Variants in ROCK2 observed in about 807,000 individuals in gnomAD.
The protein encoded by ROCK2 is Rho associated coiled-coil containing protein kinase 2, also known as rho-associated protein kinase 2.
A neutral mutation model predicts 195.1 loss-of-function variants in ROCK2; 61 were observed. The observed-to-expected ratio is 0.31, with a 90% CI of 0.25 to 0.39. ROCK2 has a LOEUF of 0.39. ROCK2 is among the 10% of genes least tolerant of loss of function. The probability of loss-of-function intolerance (pLI) is 1.00; values close to 1 mark genes in which losing one functional copy is unlikely to be tolerated. For missense variants in ROCK2, 1,109 were observed against 1,637.4 expected (o/e 0.68, Z 5.57); for synonymous variants, 504 against 545.5 (o/e 0.92, Z 1.06).
At chr2:11,283,985 T>C (rs562366825) in intron 3 of ROCK2, among the ~76,000 whole-genome samples, 22 of 152,358 alleles carry the variant, frequency 1.4e-4, no homozygotes, top group African/African-American at 4.3e-4. Context: ...TTACTCATAA[T>C]TGTCAAAACC....
At chr2:11,292,472 T>C (rs2148202261) in intron 1 of ROCK2, among the ~76,000 whole-genome samples, 1 of 152,322 alleles carries the variant, frequency 6.6e-6, no homozygotes, top group South Asian at 2.1e-4. Flanking sequence ...GAATAGCTTA[T>C]ATGTAACAGA....
Position 11,205,707 on chromosome 2 carries a change from G to C in ROCK2, c.2549+2019C>G, listed in dbSNP as rs183598635. Among the ~76,000 whole-genome samples the C allele has an allele frequency of 4.0e-5, 6 of 151,554 alleles. No homozygotes were observed. In the East Asian group the frequency reaches 1.2e-3, roughly 29 times the overall value. On this transcript the variant is annotated intron_variant, in intron 20 of 32. Coordinates refer to ENST00000315872, the MANE Select transcript of ROCK2 (RefSeq NM_004850.5). ...CTTCTCATGGGTAGGAAATGTATTT[G>C]GTTAATCTTTCTATCTTTCATAGTA...
chr2:11,301,760 A>G (rs1281279931), intron 1 of ROCK2, among the ~76,000 whole-genome samples: 3 of 141,916 alleles, frequency 2.1e-5, no homozygotes, highest in Non-Finnish European at 4.6e-5. Flanking sequence ...CCTGGGCAAC[A>G]AGAGTGAAAC....
intron 3 of ROCK2, among the ~76,000 whole-genome samples, chr2:11,259,324 C>A (rs1666142419): frequency 6.6e-6 from 1 of 151,204 alleles, no homozygotes; most frequent in South Asian, 2.1e-4. Flanking sequence ...TTTGCATTAA[C>A]TATACAAATC....
At chr2:11,282,724 AC>A (rs1667050593) in intron 3 of ROCK2, among the ~76,000 whole-genome samples, 1 of 152,122 alleles carries the variant, frequency 6.6e-6, no homozygotes, top group African/African-American at 2.4e-5. Context: ...CAAAGACATA[AC>A]CCAAGAAAGA....
chr2:11,214,389 G>C lies in ROCK2; in HGVS notation c.2011C>G (p.Gln671Glu). The change falls in exon 17 of 33, where the codon CAA (glutamine) becomes GAA (glutamate). Residue 671 changes from glutamine to glutamate, a missense_variant. By Grantham distance (29) the Gln-to-Glu change is conservative. This residue lies in a region of ROCK2 where 542 missense variants were observed against 672.0 expected (regional missense o/e 0.81). Coordinates refer to ENST00000315872, the MANE Select transcript of ROCK2 (RefSeq NM_004850.5). ...AAATCAGTAAATCTCTCCTGAAGTT[G>C]TCTCTTCTCCAGTTCTACTTTCGCT... ...LLAKVELEKR[Q>E]LQERFTDLEK... The C allele has an allele frequency of 6.2e-7, 1 of 1,603,094 alleles. No individual in the cohort carries two copies. Among genetic ancestry groups the C allele is most frequent in the Non-Finnish European group, 8.5e-7 (1 of 1,171,162 alleles).
At chr2:11,337,146 G>A (rs915463060) in intron 1 of ROCK2, among the ~76,000 whole-genome samples, 3 of 151,930 alleles carry the variant, frequency 2.0e-5, no homozygotes, top group Non-Finnish European at 4.4e-5. Flanking sequence ...TCAGGAGGCT[G>A]AGGAGGGAGA....
chr2:11,307,344 T>A, intron 1 of ROCK2, among the ~76,000 whole-genome samples: 1 of 152,232 alleles, frequency 6.6e-6, no homozygotes, highest in East Asian at 1.9e-4. Flanking sequence ...AGACGGAGTC[T>A]CACTCTGTCA....
At chr2:11,255,216 CAAAAAAAA>C (rs70953375) in intron 3 of ROCK2, among the ~76,000 whole-genome samples, 1 of 109,214 alleles carries the variant, frequency 9.2e-6, no homozygotes. Flanking sequence ...GACCCCATCT[CAAAAAAAA>C]AAAAAAAAAA....
chr2:11,190,578 A>C (rs1189356286), intron 32 of ROCK2, among the ~76,000 whole-genome samples: 2 of 152,182 alleles, frequency 1.3e-5, no homozygotes, highest in Admixed American at 1.3e-4. Context: ...AAAAGAAAAA[A>C]ATGTATCAAA....
intron 1 of ROCK2, among the ~76,000 whole-genome samples, chr2:11,294,541 T>C (rs1667454982): frequency 6.6e-6 from 1 of 152,192 alleles, no homozygotes. Context: ...TTCCCAGAAC[T>C]GCACAGCTTA....
intron 28 of ROCK2, 79 bp downstream of exon 28, chr2:11,194,876 C>T: frequency 1.4e-6 from 1 of 701,898 alleles, no homozygotes; most frequent in Non-Finnish European, 2.4e-6. Flanking sequence ...TCATGTATAT[C>T]CTACAACTAC....
intron 1 of ROCK2, among the ~76,000 whole-genome samples, chr2:11,330,449 A>G (rs1668682629): frequency 6.6e-6 from 1 of 152,164 alleles, no homozygotes; most frequent in Admixed American, 6.5e-5. Context: ...TCATACTAAT[A>G]TTTTCATATT....
At chr2:11,263,651 G>GCACA (rs11376538) in intron 3 of ROCK2, among the ~76,000 whole-genome samples, 5,701 of 144,080 alleles carry the variant, frequency 0.04, 194 homozygotes, top group African/African-American at 0.096. Context: ...ATAGCACAAG[G>GCACA]CACACACACA....
chr2:11,274,845 A>G (rs1216329696), intron 3 of ROCK2, among the ~76,000 whole-genome samples: 1 of 152,256 alleles, frequency 6.6e-6, no homozygotes, highest in Non-Finnish European at 1.5e-5. Flanking sequence ...CCAAGACCCC[A>G]GTGGTTACCT....
intron 17 of ROCK2, 30 bp from the exon 18 acceptor site, chr2:11,211,870 CAAA>C: frequency 6.7e-7 from 1 of 1,481,834 alleles, no homozygotes; most frequent in Non-Finnish European, 9.1e-7. Context: ...CAGCTATCAA[CAAA>C]AAAGAGACTA....
At chr2:11,293,866 A>G (rs1384163672) in intron 1 of ROCK2, among the ~76,000 whole-genome samples, 1 of 152,142 alleles carries the variant, frequency 6.6e-6, no homozygotes, top group Admixed American at 6.5e-5. Context: ...CTGATTTTAA[A>G]AGAACGTACG....
At chr2:11,343,878 G>T in intron 1 of ROCK2, 118 bp downstream of exon 1, 1 of 1,298,828 alleles carries the variant, frequency 7.7e-7, no homozygotes, top group Non-Finnish European at 1.0e-6. Flanking sequence ...GCCGGAAGCA[G>T]GGCGGGGTGG....
At position 11,277,322 on chromosome 2, in the gene ROCK2, A is replaced by C. The variant is rs13420367; in HGVS notation, c.324+9217T>G. On this transcript the variant is annotated intron_variant, in intron 3 of 32. Coordinates refer to ENST00000315872, the MANE Select transcript of ROCK2 (RefSeq NM_004850.5). ...ACCCCTTCACAACCTTCTGGCAACC[A>C]CCAATCTTTTTTTCCCCCATAGGTT... Among the ~76,000 whole-genome samples the C allele has an allele frequency of 8.6e-3, 1,302 of 152,200 alleles. 20 individuals are homozygous for C. The highest frequency in any genetic ancestry group is 0.03 in the African/African-American group (1,239 of 41,502).
Sources: gnomAD v4.1 joint callset for allele counts (sites outside exome capture counted in the v4.1 genomes callset) on GRCh38, gnomAD v4.1.1 for gene constraint, gnomAD v4.1.1 regional missense constraint, MANE v1.5 for transcripts, NCBI Gene and HGNC (gene_info 2026-07-23, HGNC 2026-07-21) for gene names.